TENM1: variants seen among roughly 807,000 people sequenced by gnomAD.
TENM1 encodes teneurin transmembrane protein 1.
TENM1 carries 35 observed loss-of-function variants against 174.8 expected under a neutral mutation model. The ratio of observed to expected loss-of-function variants is 0.20; its 90% CI spans 0.15 to 0.27. TENM1 has a LOEUF of 0.27. Among genes scored for constraint, TENM1 ranks in the 10% least tolerant of loss-of-function variants. The pLI is 1.00. For missense variants in TENM1, 1,633 were observed against 2,130.1 expected, an observed-to-expected ratio of 0.77 and a Z score of 4.59; for synonymous variants, 781 against 798.7, an observed-to-expected ratio of 0.98 and a Z score of 0.37.
At chrX:124,870,791 G>A (rs180842382) in intron 3 of TENM1, among the ~76,000 whole-genome samples, 4 of 111,179 alleles carry the variant, frequency 3.6e-5, no homozygotes, top group Non-Finnish European at 7.5e-5. Flanking sequence ...TACTCTGAGT[G>A]AAATGAGAAG....
chrX:124,845,031 T>C (rs778415880), intron 3 of TENM1, among the ~76,000 whole-genome samples: 1 of 111,442 alleles, frequency 9.0e-6, no homozygotes, highest in African/African-American at 3.3e-5. Flanking sequence ...GTAGGGCCAT[T>C]ATTACTGGAG....
chrX:124,964,499 A>G (rs2058700643), upstream of TENM1, among the ~76,000 whole-genome samples: 1 of 111,501 alleles, frequency 9.0e-6, no homozygotes. Context: ...CTGGTACAGC[A>G]ACAGCAGGAT....
At position 124,520,791 on chromosome X, in the gene TENM1, T is replaced by TAAAAAAA. The variant is rs112813437; in HGVS notation, c.3034-14_3034-8dup. 1 of 615,652 alleles carries TAAAAAAA rather than the reference T, an allele frequency of 1.6e-6. No individual in the cohort carries two copies. Among genetic ancestry groups the TAAAAAAA allele is most frequent in the African/African-American group, 2.7e-5 (1 of 37,568 alleles). The allele number at this position is 615,652 out of a possible 1,213,427, so 50.7% of individuals were successfully genotyped here. A position where few individuals can be genotyped will look rare whatever the true frequency, so the allele number is the denominator to read the frequency against. ...GAATTTCCTCCTGTACAACCTGAAA[T>TAAAAAAA]AAAAAAAAAAAAAAAAAGCCAAATA... On this transcript the variant is annotated splice_polypyrimidine_tract_variant and splice_region_variant and intron_variant, in intron 17 of 31. Transcript: ENST00000422452.
At chrX:125,182,441 C>T in the TENM1 span, among the ~76,000 whole-genome samples, 1 of 53,004 alleles carries the variant, frequency 1.9e-5, no homozygotes, top group Non-Finnish European at 3.2e-5. Context: ...ACACAGACAT[C>T]TTTTCGGCGG....
At chrX:124,470,034 C>T (rs1440518354) in intron 22 of TENM1, among the ~76,000 whole-genome samples, 3 of 111,490 alleles carry the variant, frequency 2.7e-5, no homozygotes, top group Admixed American at 9.6e-5. Flanking sequence ...GACTGGCACT[C>T]TGATACACTA....
At chrX:124,755,913 C>T (rs960512337) in intron 3 of TENM1, among the ~76,000 whole-genome samples, 2 of 104,533 alleles carry the variant, frequency 1.9e-5, no homozygotes, top group Non-Finnish European at 1.9e-5. Flanking sequence ...TCTCTGGCTG[C>T]CCTTAACATT....
chrX:125,067,271 A>G, the TENM1 span, among the ~76,000 whole-genome samples: 1 of 111,197 alleles, frequency 9.0e-6, no homozygotes, highest in Non-Finnish European at 1.9e-5. Flanking sequence ...GGATCTTGGG[A>G]AAAATCCAAT....
At chrX:124,538,327 G>C (rs1311996235) in intron 15 of TENM1, among the ~76,000 whole-genome samples, 1 of 111,455 alleles carries the variant, frequency 9.0e-6, no homozygotes, top group Non-Finnish European at 1.9e-5. Context: ...TGATAAGCAA[G>C]GGAGATTGCT....
intron 18 of TENM1, among the ~76,000 whole-genome samples, chrX:124,517,709 T>C (rs1262713090): frequency 9.3e-6 from 1 of 107,751 alleles, no homozygotes; most frequent in Non-Finnish European, 1.9e-5. Context: ...ATAAACCTAA[T>C]GCATATGACG....
At chrX:125,085,284 A>T in the TENM1 span, among the ~76,000 whole-genome samples, 2 of 110,659 alleles carry the variant, frequency 1.8e-5, no homozygotes, top group African/African-American at 6.5e-5. Flanking sequence ...GATGTACTGT[A>T]ATGTTTGTAA....
chrX:124,438,640 C>T (rs1179950631), intron 23 of TENM1, among the ~76,000 whole-genome samples: 1 of 111,794 alleles, frequency 8.9e-6, no homozygotes, highest in African/African-American at 3.3e-5. Context: ...TAGCATTGAG[C>T]ACGGTACTTG....
the TENM1 span, among the ~76,000 whole-genome samples, chrX:125,139,877 G>C: frequency 9.3e-6 from 1 of 107,851 alleles, no homozygotes; most frequent in Admixed American, 1.0e-4. Context: ...GAGAGAGAGA[G>C]AGAGAGAGAG....
chrX:124,758,689 A>G (rs2054329918), intron 3 of TENM1, among the ~76,000 whole-genome samples: 1 of 111,734 alleles, frequency 8.9e-6, no homozygotes, highest in South Asian at 3.8e-4. Flanking sequence ...CATATGATTG[A>G]ATATTATTCA....
intron 1 of TENM1, among the ~76,000 whole-genome samples, chrX:124,945,685 A>G (rs898393471): frequency 1.8e-5 from 2 of 111,398 alleles, no homozygotes; most frequent in African/African-American, 6.5e-5. Flanking sequence ...AGACAGAAAA[A>G]GTCGGAGGAG....
At chrX:125,170,405 T>C in the TENM1 span, among the ~76,000 whole-genome samples, 1 of 111,595 alleles carries the variant, frequency 9.0e-6, no homozygotes, top group Admixed American at 9.5e-5. Context: ...TGCAATGTAG[T>C]CTCAGTTGTC....
At chrX:124,586,916 C>A (rs1298883184) in intron 11 of TENM1, among the ~76,000 whole-genome samples, 5 of 109,972 alleles carry the variant, frequency 4.5e-5, no homozygotes, top group African/African-American at 6.7e-5. Context: ...AGAGCCAAAT[C>A]ATGAGTGAAC....
chrX:125,008,890 G>T, the TENM1 span, among the ~76,000 whole-genome samples: 4 of 111,410 alleles, frequency 3.6e-5, no homozygotes, highest in Non-Finnish European at 7.5e-5. Context: ...GCAGTGTTAA[G>T]AGGGAAAGTT....
the TENM1 span, among the ~76,000 whole-genome samples, chrX:125,175,222 A>C: frequency 1.8e-5 from 2 of 111,527 alleles, no homozygotes; most frequent in Non-Finnish European, 3.8e-5. Context: ...AGACCTACTA[A>C]GTTTATAAGA....
At chrX:125,070,978 T>C in the TENM1 span, among the ~76,000 whole-genome samples, 1 of 111,973 alleles carries the variant, frequency 8.9e-6, no homozygotes, top group Non-Finnish European at 1.9e-5. Context: ...AAATCAGCTC[T>C]TCAAACAGAA....
Sources: allele counts gnomAD v4.1 joint callset (sites outside exome capture counted in the v4.1 genomes callset), GRCh38; gene constraint gnomAD v4.1.1; transcripts MANE v1.5; gene names NCBI Gene and HGNC (gene_info 2026-07-23, HGNC 2026-07-21).